ERG: variants seen among roughly 807,000 people sequenced by gnomAD.
The protein encoded by ERG is transcriptional regulator ERG.
A neutral mutation model predicts 55.3 loss-of-function variants in ERG; 9 were observed. That is an observed-to-expected ratio of 0.16 (90% CI 0.10 to 0.28). The LOEUF (loss-of-function observed/expected upper bound fraction) is 0.28. Among genes scored for constraint, ERG ranks in the 10% least tolerant of loss-of-function variants. ERG has a pLI of 1.00. For synonymous variants in ERG, 223 were observed against 237.3 expected, an observed-to-expected ratio of 0.94 and a Z score of 0.55; for missense variants, 434 against 631.6, an observed-to-expected ratio of 0.69 and a Z score of 3.35.
At chr21:38,529,307 A>G (rs373110217) in intron 2 of ERG, among the ~76,000 whole-genome samples, 1 of 152,208 alleles carries the variant, frequency 6.6e-6, no homozygotes, top group Non-Finnish European at 1.5e-5. Context: ...GGGTGACTTC[A>G]GTCTCCAGGA....
chr21:38,426,558 T>C (rs1601382073), intron 2 of ERG, among the ~76,000 whole-genome samples: 1 of 152,208 alleles, frequency 6.6e-6, no homozygotes, highest in East Asian at 1.9e-4. Context: ...GCCGGCCGTA[T>C]ACCAGGTCCC....
intron 2 of ERG, among the ~76,000 whole-genome samples, chr21:38,541,909 C>T (rs1020957125): frequency 1.0e-4 from 7 of 68,316 alleles, no homozygotes; most frequent in African/African-American, 2.9e-4. Context: ...TATCCTGGAA[C>T]GTAAAATTAA....
chr21:38,390,228 A>C (rs1291112984), intron 9 of ERG, among the ~76,000 whole-genome samples: 3 of 152,246 alleles, frequency 2.0e-5, no homozygotes, highest in African/African-American at 7.2e-5. Flanking sequence ...CTGGTTACAA[A>C]TGGGCTAATT....
At chr21:38,534,958 C>T (rs532795425) in intron 2 of ERG, among the ~76,000 whole-genome samples, 22 of 151,880 alleles carry the variant, frequency 1.4e-4, no homozygotes, top group African/African-American at 4.8e-4. Context: ...TTTTTTTAAT[C>T]GTTTTATTTT....
chr21:38,478,803 T>C (rs1473910377), intron 1 of ERG, among the ~76,000 whole-genome samples: 1 of 152,216 alleles, frequency 6.6e-6, no homozygotes, highest in East Asian at 1.9e-4. Context: ...GTCTTAGGAC[T>C]GTGTAGGTGC....
intron 1 of ERG, among the ~76,000 whole-genome samples, chr21:38,650,494 G>A (rs1004174710): frequency 1.3e-5 from 2 of 152,060 alleles, no homozygotes; most frequent in African/African-American, 2.4e-5. Context: ...AAAATTAGCC[G>A]GGTATGGTGG....
chr21:38,408,161 A>C (rs1336014546), intron 3 of ERG, among the ~76,000 whole-genome samples: 1 of 152,198 alleles, frequency 6.6e-6, no homozygotes, highest in Non-Finnish European at 1.5e-5. Flanking sequence ...TCGGTAGAAG[A>C]AATGAGGGCA....
intron 2 of ERG, among the ~76,000 whole-genome samples, chr21:38,537,630 C>T (rs1006135977): frequency 2.0e-5 from 3 of 152,016 alleles, no homozygotes; most frequent in Admixed American, 6.6e-5. Flanking sequence ...TGAAATACTT[C>T]GTAGCCATTA....
chr21:38,406,154 C>CAAAAAAAAAAAAAAAAAAAAAAAAAAAA (rs56711562), intron 3 of ERG, among the ~76,000 whole-genome samples: 1 of 95,080 alleles, frequency 1.1e-5, no homozygotes, highest in Non-Finnish European at 2.0e-5. Context: ...GACTCCATCT[C>CAAAAAAAAAAAAAAAAAAAAAAAAAAAA]AAAAAAAAAA....
chr21:38,440,822 T>A, intron 2 of ERG, among the ~76,000 whole-genome samples: 1 of 144,214 alleles, frequency 6.9e-6, no homozygotes, highest in Non-Finnish European at 1.5e-5. Context: ...AAGCCCACAG[T>A]GAGTCAGCAA....
chr21:38,641,548 C>T (rs1236020718), intron 1 of ERG, among the ~76,000 whole-genome samples: 1 of 152,168 alleles, frequency 6.6e-6, no homozygotes, highest in East Asian at 1.9e-4. Context: ...GAAAGAGGCA[C>T]CAAATACGTC....
chr21:38,600,314 T>C (rs923478222), intron 1 of ERG, among the ~76,000 whole-genome samples: 1 of 152,214 alleles, frequency 6.6e-6, no homozygotes, highest in Admixed American at 6.5e-5. Context: ...TGCAGGCCAG[T>C]AGCTGGGAGA....
intron 3 of ERG, among the ~76,000 whole-genome samples, chr21:38,406,173 A>AAAAAAAAAAAAAAAAAC: frequency 7.7e-6 from 1 of 129,092 alleles, no homozygotes; most frequent in Non-Finnish European, 1.7e-5. Flanking sequence ...AAAAAAAAAA[A>AAAAAAAAAAAAAAAAAC]AATCATCAGT....
At position 38,380,318 on chromosome 21, in the gene ERG, G is replaced by A; in HGVS notation, c.*3085C>T. The A allele has an allele frequency of 9.5e-7, 1 of 1,056,378 alleles. No individual in the cohort carries two copies. 65.4% of individuals were successfully genotyped at this position (1,056,378 alleles called of 1,614,324 possible). A position where few individuals can be genotyped will look rare whatever the true frequency, so the allele number is the denominator to read the frequency against. Reference sequence around the variant, plus strand: ...TGCAGGTGCCACATCTGTGCAGAAGGCTTAGGAGAAGCAGTGAGCCTTCTA... The same window carrying A: ...TGCAGGTGCCACATCTGTGCAGAAGACTTAGGAGAAGCAGTGAGCCTTCTA... On this transcript the variant is annotated 3_prime_UTR_variant, in exon 10 of 10. Coordinates refer to ENST00000288319, the MANE Select transcript of ERG (RefSeq NM_182918.4).
chr21:38,577,444 C>T (rs984523475), intron 1 of ERG, among the ~76,000 whole-genome samples: 2 of 151,970 alleles, frequency 1.3e-5, no homozygotes, highest in Non-Finnish European at 1.5e-5. Context: ...TATGTACTTC[C>T]CCCCACCCCC....
At chr21:38,542,444 C>T (rs1239960823) in intron 2 of ERG, among the ~76,000 whole-genome samples, 1 of 152,114 alleles carries the variant, frequency 6.6e-6, no homozygotes, top group Non-Finnish European at 1.5e-5. Flanking sequence ...TCTCCAAAGG[C>T]TAAAAGATGT....
chr21:38,542,263 CA>C (rs2059758643), intron 2 of ERG, among the ~76,000 whole-genome samples: 1 of 152,208 alleles, frequency 6.6e-6, no homozygotes, highest in African/African-American at 2.4e-5. Context: ...GCTGGGATTA[CA>C]GGCGTGAGTC....
intron 2 of ERG, among the ~76,000 whole-genome samples, chr21:38,532,085 T>C (rs964788932): frequency 4.6e-5 from 7 of 152,274 alleles, no homozygotes; most frequent in Admixed American, 3.3e-4. Context: ...TCCAGAATAA[T>C]AGTAGATCAC....
At chr21:38,472,904 G>C (rs2059152375) in intron 1 of ERG, among the ~76,000 whole-genome samples, 1 of 152,164 alleles carries the variant, frequency 6.6e-6, no homozygotes, top group Non-Finnish European at 1.5e-5. Context: ...ATTTCAAGGA[G>C]CCCCAGCAGG....
Sources: allele counts gnomAD v4.1 joint callset (sites outside exome capture counted in the v4.1 genomes callset), GRCh38; gene constraint gnomAD v4.1.1; transcripts MANE v1.5; gene names NCBI Gene and HGNC (gene_info 2026-07-23, HGNC 2026-07-21).